Variants in NEU3 observed in about 807,000 individuals in gnomAD.
NEU3 encodes the protein neuraminidase 3, also known as sialidase-3.
NEU3 carries 10 observed loss-of-function variants against 11.4 expected under a neutral mutation model. That is an observed-to-expected ratio of 0.88 (90% CI 0.54 to 1.49). The LOEUF (loss-of-function observed/expected upper bound fraction) is 1.49. Among genes scored for constraint, NEU3 ranks in the 40% most tolerant of loss-of-function variants. NEU3 has a pLI of 0.00. For synonymous variants in NEU3, 212 were observed against 228.2 expected, an observed-to-expected ratio of 0.93 and a Z score of 0.64; for missense variants, 529 against 581.8, an observed-to-expected ratio of 0.91 and a Z score of 0.93.
chr11:74,993,491 A>G (rs1044467132), intron 1 of NEU3, among the ~76,000 whole-genome samples: 1 of 152,166 alleles, frequency 6.6e-6, no homozygotes, highest in Non-Finnish European at 1.5e-5. Context: ...GGTGTGAGCC[A>G]CCACGCCCGG....
At chr11:75,015,293 C>G (rs1948976049), downstream of NEU3, among the ~76,000 whole-genome samples, 1 of 152,174 alleles carries the variant, frequency 6.6e-6, no homozygotes, top group Non-Finnish European at 1.5e-5. Flanking sequence ...AAACCGTCAC[C>G]AGACACCAAA....
Position 74,989,016 on chromosome 11 carries a change from A to G in NEU3, c.-45A>G. The G allele has an allele frequency of 7.1e-7, 1 of 1,413,328 alleles. No individual in the cohort carries two copies. The highest frequency in any genetic ancestry group is 1.2e-5 in the South Asian group (1 of 81,320). The allele number at this position is 1,413,328 out of a possible 1,614,324, so 87.5% of individuals were successfully genotyped here. ...CTCCCTCTCTATCCTCCTCTGTCTC[A>G]GTCTCCCCAGCCTTGGGGCCGGTGC... On this transcript the variant is annotated 5_prime_UTR_variant, in exon 1 of 3. Transcript: ENST00000294064.
At chr11:75,017,296 G>A (rs922215653) in intron 3 of NEU3, among the ~76,000 whole-genome samples, 3 of 152,172 alleles carry the variant, frequency 2.0e-5, no homozygotes, top group Non-Finnish European at 4.4e-5. Context: ...AGCTTGATGG[G>A]GTGGCAGACA....
chr11:74,996,445 CAA>C (rs1948791553), intron 2 of NEU3, among the ~76,000 whole-genome samples: 1 of 152,192 alleles, frequency 6.6e-6, no homozygotes. Context: ...CTCATTTATT[CAA>C]GTTTTATCAT....
the NEU3 span, among the ~76,000 whole-genome samples, chr11:74,980,970 G>A: frequency 6.6e-6 from 1 of 152,226 alleles, no homozygotes; most frequent in Admixed American, 6.5e-5. Flanking sequence ...CCTTATTCCT[G>A]TGGGCAGAAA....
intron 2 of NEU3, among the ~76,000 whole-genome samples, chr11:74,998,761 G>C (rs1027665430): frequency 6.6e-6 from 1 of 152,112 alleles, no homozygotes; most frequent in Admixed American, 6.5e-5. Flanking sequence ...TACTTTGTGG[G>C]ATTTTCAGTT....
At chr11:74,987,414 T>C (rs532119405), upstream of NEU3, among the ~76,000 whole-genome samples, 1 of 152,332 alleles carries the variant, frequency 6.6e-6, no homozygotes, top group East Asian at 1.9e-4. Flanking sequence ...TTTCTTGCTT[T>C]CTGTTAAGAT....
At chr11:75,004,415 GT>G (rs1277454200) in intron 2 of NEU3, 2 of 481,682 alleles carry the variant, frequency 4.2e-6, no homozygotes, top group African/African-American at 4.1e-5. Context: ...TGTCAGTTTC[GT>G]TTTAATTTGC....
upstream of NEU3, among the ~76,000 whole-genome samples, chr11:74,986,683 C>G (rs574811809): frequency 3.5e-4 from 53 of 152,234 alleles, no homozygotes; most frequent in African/African-American, 1.3e-3. Flanking sequence ...TGAGTCTTGC[C>G]AGAGGGTTTG....
intron 2 of NEU3, chr11:75,004,520 T>A (rs1032364512): frequency 2.9e-5 from 13 of 451,978 alleles, no homozygotes; most frequent in African/African-American, 1.4e-4. Context: ...TTCCTGGAAA[T>A]TTTCTTACCA....
Position 74,994,713 on chromosome 11 carries a change from T to C in NEU3, c.299T>C (p.Leu100Ser). 6.2e-7 allele frequency: 1 copy of C among 1,613,820 alleles called. No individual in the cohort carries two copies. Among genetic ancestry groups the C allele is most frequent in the Non-Finnish European group, 8.5e-7 (1 of 1,179,696 alleles). ...AGGCGAGGGTTGAGGATTGGGCAGT[T>C]GGTACAGGTGACTCTTCATCCCAGA... ...VLRRGLRIGQ[L>S]VQWGPLKPLM... Residue 100 changes from leucine to serine, a missense_variant, in exon 2 of 3, where the codon TTG becomes TCG. Physicochemically the swap from Leu to Ser is moderately radical, Grantham distance 145. Coordinates refer to ENST00000294064, the MANE Select transcript of NEU3 (RefSeq NM_006656.6).
intron 2 of NEU3, among the ~76,000 whole-genome samples, chr11:75,001,285 CTT>C (rs775188864): frequency 4.6e-5 from 6 of 130,068 alleles, no homozygotes; most frequent in Admixed American, 1.5e-4. Context: ...TTTTTTTTTT[CTT>C]TTTTTTTTTT....
Position 75,005,531 on chromosome 11 carries a change from GC to G in NEU3, c.427del (p.His143MetfsTer32). 1 of 1,613,968 alleles carries G rather than the reference GC, an allele frequency of 6.2e-7. No homozygotes were observed. The highest frequency in any genetic ancestry group is 8.5e-7 in the Non-Finnish European group (1 of 1,179,882). On this transcript the variant is annotated frameshift_variant, in exon 3 of 3. Coordinates refer to ENST00000294064, the MANE Select transcript of NEU3 (RefSeq NM_006656.6). LOFTEE classifies it low-confidence loss of function (END_TRUNC). ...TTCCTGTTCTTCATCTGTGTGCGGG[GC>G]CATGTCACAGAGCGTCAACAGATTG... ...CVFLFFICVR[G>X]HVTERQQIVS...
intron 3 of NEU3, among the ~76,000 whole-genome samples, chr11:75,017,466 C>T (rs931709057): frequency 1.3e-5 from 2 of 152,200 alleles, no homozygotes; most frequent in Admixed American, 6.5e-5. Flanking sequence ...GCCTGAAATC[C>T]AGCCAAGAGT....
intron 2 of NEU3, among the ~76,000 whole-genome samples, chr11:75,003,868 T>G (rs1435680682): frequency 6.6e-6 from 1 of 151,984 alleles, no homozygotes; most frequent in East Asian, 1.9e-4. Flanking sequence ...GCAGCCTGGT[T>G]GACAGAGAGA....
Position 75,006,591 on chromosome 11 carries a change from G to A in NEU3, c.*99G>A, listed in dbSNP as rs753302791. 1.2e-5 allele frequency: 16 copies of A among 1,386,236 alleles called. No individual in the cohort carries two copies. The South Asian group carries it at 2.3e-4, about 20-fold the overall frequency. 85.9% of individuals were successfully genotyped at this position (1,386,236 alleles called of 1,614,324 possible). ...AGATAATCAAAAAACTTAATATTCT[G>A]TTCCCTACCTTTTTTCACTTTTCCT... On this transcript the variant is annotated 3_prime_UTR_variant, in exon 3 of 3. Transcript: ENST00000294064.
At chr11:74,989,740 T>TG (rs1377846056) in intron 1 of NEU3, among the ~76,000 whole-genome samples, 1 of 152,216 alleles carries the variant, frequency 6.6e-6, no homozygotes, top group African/African-American at 2.4e-5. Context: ...CTCCATTTTA[T>TG]AAGTGAGGAA....
At chr11:75,003,757 G>T (rs1246875636) in intron 2 of NEU3, among the ~76,000 whole-genome samples, 3 of 152,114 alleles carry the variant, frequency 2.0e-5, no homozygotes, top group Admixed American at 2.0e-4. Context: ...GGACGTGGTG[G>T]TGCAAGCCTG....
intron 2 of NEU3, among the ~76,000 whole-genome samples, chr11:74,998,232 C>T (rs1409450604): frequency 6.6e-6 from 1 of 152,192 alleles, no homozygotes; most frequent in East Asian, 1.9e-4. Flanking sequence ...TCAAAGATCA[C>T]TGATGAAAGA....
Sources: gnomAD v4.1 joint callset for allele counts (sites outside exome capture counted in the v4.1 genomes callset) on GRCh38, gnomAD v4.1.1 for gene constraint, MANE v1.5 for transcripts, NCBI Gene and HGNC (gene_info 2026-07-23, HGNC 2026-07-21) for gene names.